DYRK1A: variants seen among roughly 807,000 people sequenced by gnomAD.
DYRK1A encodes the protein dual specificity tyrosine-phosphorylation-regulated kinase 1A.
A neutral mutation model predicts 79.7 loss-of-function variants in DYRK1A; 9 were observed. The observed-to-expected ratio is 0.11, with a 90% CI of 0.07 to 0.20. The LOEUF is 0.20. DYRK1A is among the 10% of genes least tolerant of loss of function. The pLI, the probability that DYRK1A is intolerant of heterozygous loss-of-function variation, is 1.00. For missense variants in DYRK1A, 622 were observed against 956.0 expected (o/e 0.65, Z 4.61); for synonymous variants, 349 against 329.7 (o/e 1.06, Z -0.63).
chr21:37,441,251 CTT>C (rs901743822), intron 2 of DYRK1A, among the ~76,000 whole-genome samples: 8 of 152,082 alleles, frequency 5.3e-5, no homozygotes, highest in African/African-American at 1.4e-4. Flanking sequence ...CAGATGTTTA[CTT>C]TTAATCTATT....
At chr21:37,418,169 T>G (rs1015072621) in intron 1 of DYRK1A, among the ~76,000 whole-genome samples, 1 of 152,136 alleles carries the variant, frequency 6.6e-6, no homozygotes, top group African/African-American at 2.4e-5. Flanking sequence ...AGGAAGGATA[T>G]ATGGAATAAT....
rs960326912 is a variant in DYRK1A, at chr21:37,410,720, A to G, written c.-76-9579A>G. 2 of 152,008 alleles carry G rather than the reference A, an allele frequency of 1.3e-5. 1 individual carries two copies. Among genetic ancestry groups the G allele is most frequent in the Admixed American group, 1.3e-4 (2 of 15,256 alleles). 9.4% of individuals were successfully genotyped at this position (152,008 alleles called of 1,614,324 possible). Reference sequence around the variant, plus strand: ...TTTTGATGTTAATTCCAGTTTTCTCACCTATTGCACGTCTCCTGGACTTAC... The same window carrying G: ...TTTTGATGTTAATTCCAGTTTTCTCGCCTATTGCACGTCTCCTGGACTTAC... On this transcript the variant is annotated intron_variant, in intron 1 of 11. Coordinates refer to ENST00000647188, the MANE Select transcript of DYRK1A (RefSeq NM_001347721.2).
chr21:37,402,102 A>G (rs1241241562), intron 1 of DYRK1A, among the ~76,000 whole-genome samples: 1 of 152,150 alleles, frequency 6.6e-6, no homozygotes, highest in African/African-American at 2.4e-5. Flanking sequence ...TATATTATAC[A>G]TTATGTACAA....
In DYRK1A at chr21:37,520,453, A is replaced by G. The variant is rs1400530840; in HGVS notation, c.*7922A>G. On this transcript the variant is annotated 3_prime_UTR_variant, in exon 12 of 12. Coordinates refer to ENST00000647188, the MANE Select transcript of DYRK1A (RefSeq NM_001347721.2). ...CTTTATTCTGTTGACTTTGTTGATAATATTAGGTGACTACATCGAGCCTGG... is the reference window on the plus strand; with the variant it reads ...CTTTATTCTGTTGACTTTGTTGATAGTATTAGGTGACTACATCGAGCCTGG... The G allele has an allele frequency of 1.3e-5, 2 of 152,188 alleles. No homozygotes were observed. Among genetic ancestry groups the G allele is most frequent in the Non-Finnish European group, 2.9e-5 (2 of 68,034 alleles). The allele number at this position is 152,188 out of a possible 1,614,324, so 9.4% of individuals were successfully genotyped here.
At chr21:37,510,272 T>TTAACTTCA (rs1435936966) in intron 11 of DYRK1A, among the ~76,000 whole-genome samples, 8 of 152,252 alleles carry the variant, frequency 5.3e-5, no homozygotes, top group African/African-American at 1.9e-4. Flanking sequence ...AGTAACTTGA[T>TTAACTTCA]TAACTTCATA....
chr21:37,384,706 C>A (rs1170892439), intron 1 of DYRK1A, among the ~76,000 whole-genome samples: 3 of 152,108 alleles, frequency 2.0e-5, no homozygotes, highest in Non-Finnish European at 4.4e-5. Flanking sequence ...CTAGAACTCA[C>A]ACAGATGTTA....
chr21:37,442,029 T>C (rs1224216974), intron 2 of DYRK1A, among the ~76,000 whole-genome samples: 1 of 151,700 alleles, frequency 6.6e-6, no homozygotes, highest in Non-Finnish European at 1.5e-5. Context: ...TTTCTTTCAG[T>C]AATTTAAAAA....
intron 2 of DYRK1A, among the ~76,000 whole-genome samples, chr21:37,468,275 C>CT (rs545784255): frequency 2.3e-4 from 34 of 146,986 alleles, no homozygotes; most frequent in Middle Eastern, 3.5e-3. Context: ...CCATGCCTGG[C>CT]TTTTTTTTTT....
intron 1 of DYRK1A, among the ~76,000 whole-genome samples, chr21:37,397,528 C>G (rs1459371479): frequency 6.6e-6 from 1 of 152,136 alleles, no homozygotes; most frequent in Non-Finnish European, 1.5e-5. Context: ...CACATTTAGT[C>G]ACAAGGGACA....
chr21:37,430,367 C>G (rs17229339), intron 2 of DYRK1A: 60,999 of 984,332 alleles, frequency 0.062, 2,144 homozygotes, highest in Non-Finnish European at 0.067. Flanking sequence ...TGAGGTCGTT[C>G]CAGTCATAGG....
intron 5 of DYRK1A, among the ~76,000 whole-genome samples, chr21:37,484,962 G>A (rs991708309): frequency 1.3e-5 from 2 of 152,160 alleles, no homozygotes; most frequent in Non-Finnish European, 2.9e-5. Context: ...GACTTGGTCA[G>A]ACTTTCTCCA....
Position 37,486,580 on chromosome 21 carries a change from G to A in DYRK1A, c.603G>A (p.Met201Ile), listed in dbSNP as rs1426136387. The A allele has an allele frequency of 6.3e-7, 1 of 1,594,828 alleles. No individual in the cohort carries two copies. The highest frequency in any genetic ancestry group is 2.3e-5 in the East Asian group (1 of 43,512). ...AQIEVRLLELMNKHDTEMKYY... is the reference protein window; with the variant it reads ...AQIEVRLLELINKHDTEMKYY... ...TAGAAGTGCGACTTCTTGAGCTCATGAACAAACATGACACTGAAATGAAAT... is the reference window on the plus strand; with the variant it reads ...TAGAAGTGCGACTTCTTGAGCTCATAAACAAACATGACACTGAAATGAAAT... Residue 201 changes from methionine (M) to isoleucine (I), a missense_variant, in exon 6 of 12, where the codon ATG becomes ATA. By Grantham distance (10) the Met-to-Ile change is conservative. Transcript: ENST00000647188.
chr21:37,400,558 C>T lies in DYRK1A; in HGVS notation c.-76-19741C>T, dbSNP rs1057120952. 1.5e-4 allele frequency among the ~76,000 whole-genome samples: 23 copies of T among 152,154 alleles called. 1 individual carries two copies. The highest frequency in any genetic ancestry group is 1.4e-3 in the Admixed American group (22 of 15,274). Reference sequence around the variant, plus strand: ...TTGATGATCCAAATTTGAGATCCAACCTGGGAGACAGCTCCCAAAATTTTA... The same window carrying T: ...TTGATGATCCAAATTTGAGATCCAATCTGGGAGACAGCTCCCAAAATTTTA... On this transcript the variant is annotated intron_variant, in intron 1 of 11. Transcript: ENST00000647188.
chr21:37,376,563 G>A (rs1447804607), intron 1 of DYRK1A, among the ~76,000 whole-genome samples: 1 of 152,162 alleles, frequency 6.6e-6, no homozygotes, highest in Non-Finnish European at 1.5e-5. Flanking sequence ...GTTCATGTGA[G>A]TATTCTCTGG....
intron 2 of DYRK1A, among the ~76,000 whole-genome samples, chr21:37,462,314 G>C (rs925566493): frequency 1.3e-5 from 2 of 152,140 alleles, no homozygotes; most frequent in Non-Finnish European, 2.9e-5. Flanking sequence ...GTCCTGGCAG[G>C]CTGTTAATTC....
At chr21:37,503,648 C>A (rs933322491) in intron 9 of DYRK1A, 1 of 152,206 alleles carries the variant, frequency 6.6e-6, no homozygotes, top group Non-Finnish European at 1.5e-5. Flanking sequence ...GTCTTGAACT[C>A]CTGGACTCAA....
intron 1 of DYRK1A, among the ~76,000 whole-genome samples, chr21:37,383,412 A>C (rs1261730189): frequency 2.0e-5 from 3 of 152,182 alleles, no homozygotes; most frequent in African/African-American, 7.2e-5. Flanking sequence ...TGCCTAATAC[A>C]CTTTAATAAC....
chr21:37,465,621 G>T (rs529197927), intron 2 of DYRK1A, among the ~76,000 whole-genome samples: 1 of 152,132 alleles, frequency 6.6e-6, no homozygotes, highest in Non-Finnish European at 1.5e-5. Flanking sequence ...TGGATCACCT[G>T]AGGTCAGGAG....
chr21:37,482,593 T>C (rs539400022), intron 5 of DYRK1A, among the ~76,000 whole-genome samples: 1 of 152,248 alleles, frequency 6.6e-6, no homozygotes, highest in East Asian at 1.9e-4. Flanking sequence ...TAATGAAGTT[T>C]TGGGCACCAC....
Sources: allele counts gnomAD v4.1 joint callset (sites outside exome capture counted in the v4.1 genomes callset), GRCh38; gene constraint gnomAD v4.1.1; transcripts MANE v1.5; gene names NCBI Gene and HGNC (gene_info 2026-07-23, HGNC 2026-07-21).